GRIA1: variants seen among roughly 807,000 people sequenced by gnomAD.
The protein encoded by GRIA1 is glutamate receptor 1.
In GRIA1, 31 loss-of-function variants were observed where a neutral mutation model predicts 99.2. The ratio of observed to expected loss-of-function variants is 0.31; its 90% CI spans 0.23 to 0.42. GRIA1 has a LOEUF of 0.42. Ranked by LOEUF, GRIA1 falls within the 10% of genes least tolerant of loss-of-function variation. The pLI is 1.00. For synonymous variants in GRIA1, 438 were observed against 432.4 expected (o/e 1.01, Z -0.16); for missense variants, 782 against 1,157.5 (o/e 0.68, Z 4.71).
At chr5:153,525,849 A>G (rs1283377471) in intron 2 of GRIA1, among the ~76,000 whole-genome samples, 1 of 152,020 alleles carries the variant, frequency 6.6e-6, no homozygotes, top group African/African-American at 2.4e-5. Context: ...AACACACTCC[A>G]CTCAGTAAGT....
intron 3 of GRIA1, among the ~76,000 whole-genome samples, chr5:153,648,745 G>T (rs531321703): frequency 6.6e-6 from 1 of 152,130 alleles, no homozygotes; most frequent in Admixed American, 6.5e-5. Flanking sequence ...TGTGGAAGAG[G>T]TTAACTGTGT....
chr5:153,732,344 A>G (rs898000813), intron 11 of GRIA1, among the ~76,000 whole-genome samples: 6 of 152,106 alleles, frequency 3.9e-5, no homozygotes, highest in Admixed American at 3.9e-4. Context: ...TCACACCAAC[A>G]ATATATAAAA....
chr5:153,579,407 A>G (rs1372516214), intron 2 of GRIA1, among the ~76,000 whole-genome samples: 1 of 152,210 alleles, frequency 6.6e-6, no homozygotes, highest in East Asian at 1.9e-4. Flanking sequence ...AAAAATATCC[A>G]GAGATAATAT....
intron 1 of GRIA1, chr5:153,491,294 T>A (rs1366393135): frequency 1.6e-6 from 2 of 1,259,410 alleles, no homozygotes; most frequent in African/African-American, 3.0e-5. Flanking sequence ...AGGAGTTAAC[T>A]CTATTGCTTG....
chr5:153,753,240 C>G (rs1456282356), intron 11 of GRIA1, among the ~76,000 whole-genome samples: 1 of 152,154 alleles, frequency 6.6e-6, no homozygotes, highest in Non-Finnish European at 1.5e-5. Context: ...GTGTTTGTGT[C>G]ATTGTGTTAT....
chr5:153,677,127 G>A lies in GRIA1; in HGVS notation c.995G>A (p.Gly332Asp), dbSNP rs142974388. 1 of 1,560,146 alleles carries A rather than the reference G, an allele frequency of 6.4e-7. No individual in the cohort carries two copies. The highest frequency in any genetic ancestry group is 1.2e-5 in the South Asian group (1 of 84,016). ...DCLANPAVPW[G>D]QGIDIQRALQ... is the part of the protein sequence containing the mutation. ...CTGGCTAACCCAGCTGTTCCCTGGG[G>A]CCAAGGGATCGACATCCAGAGAGCT... Residue 332 changes from glycine to aspartate, a missense_variant, in exon 7 of 16, where the codon GGC (glycine) becomes GAC (aspartate). By Grantham distance (94) the Gly-to-Asp change is moderately conservative. Coordinates refer to ENST00000285900, the MANE Select transcript of GRIA1 (RefSeq NM_000827.4).
At chr5:153,578,181 A>G (rs28607686) in intron 2 of GRIA1, among the ~76,000 whole-genome samples, 4 of 150,064 alleles carry the variant, frequency 2.7e-5, no homozygotes, top group African/African-American at 9.8e-5. Context: ...AAAGAAAGAA[A>G]GAAGAAAGAA....
At chr5:153,798,448 C>A (rs1240231845) in intron 14 of GRIA1, among the ~76,000 whole-genome samples, 1 of 152,140 alleles carries the variant, frequency 6.6e-6, no homozygotes, top group Non-Finnish European at 1.5e-5. Flanking sequence ...GTAGGCTTCC[C>A]CTAAAAATCC....
intron 2 of GRIA1, among the ~76,000 whole-genome samples, chr5:153,578,798 CT>C (rs1247967568): frequency 6.6e-6 from 1 of 152,090 alleles, no homozygotes; most frequent in African/African-American, 2.4e-5. Context: ...GTCCTAGCTA[CT>C]TGGGAGGCTG....
intron 11 of GRIA1, among the ~76,000 whole-genome samples, chr5:153,751,135 T>C (rs1250916612): frequency 6.6e-6 from 1 of 152,320 alleles, no homozygotes; most frequent in Non-Finnish European, 1.5e-5. Flanking sequence ...CAAAGAGATG[T>C]AGCGATTTGC....
chr5:153,685,779 C>T (rs954586598), intron 7 of GRIA1, among the ~76,000 whole-genome samples: 1 of 152,192 alleles, frequency 6.6e-6, no homozygotes, highest in African/African-American at 2.4e-5. Flanking sequence ...CTTAAGGCTT[C>T]ATTCATAAAG....
intron 2 of GRIA1, among the ~76,000 whole-genome samples, chr5:153,570,301 C>A (rs569132407): frequency 6.6e-6 from 1 of 152,290 alleles, no homozygotes; most frequent in African/African-American, 2.4e-5. Context: ...TATTTAGATG[C>A]TAATTGGCTT....
At chr5:153,723,116 G>T (rs72643422) in intron 11 of GRIA1, among the ~76,000 whole-genome samples, 12,715 of 152,220 alleles carry the variant, frequency 0.084, 1,096 homozygotes, top group East Asian at 0.51. Context: ...TTTCAAATGA[G>T]ATAGAAGGTA....
chr5:153,688,657 T>G (rs1172115752), intron 8 of GRIA1, among the ~76,000 whole-genome samples: 2 of 152,140 alleles, frequency 1.3e-5, no homozygotes, highest in East Asian at 1.9e-4. Flanking sequence ...CTGTTAAGAG[T>G]ACTGCCTCTG....
In GRIA1 at chr5:153,567,183, T is replaced by A. The variant is rs115319529; in HGVS notation, c.220+73118T>A. Among the ~76,000 whole-genome samples the A allele has an allele frequency of 7.7e-3, 1,171 of 152,320 alleles. 6 individuals are homozygous for A. The highest frequency in any genetic ancestry group is 0.011 in the Non-Finnish European group (765 of 68,024). ...CATTCATTTATGCCTTGAGTGTCCA[T>A]TATGTGTCAGGAACTTTTCTAGACA... On this transcript the variant is annotated intron_variant, in intron 2 of 15. Transcript: ENST00000285900.
intron 11 of GRIA1, among the ~76,000 whole-genome samples, chr5:153,727,530 C>G (rs1475978859): frequency 6.6e-6 from 1 of 152,206 alleles, no homozygotes; most frequent in Non-Finnish European, 1.5e-5. Context: ...TAAGCAACTT[C>G]AGCAAAGTCT....
chr5:153,551,152 T>A (rs6580021), intron 2 of GRIA1, among the ~76,000 whole-genome samples: 70,454 of 151,480 alleles, frequency 0.47, 18,043 homozygotes, highest in Non-Finnish European at 0.59. Context: ...CTACTCAGGA[T>A]ATGCACAAAT....
At chr5:153,641,996 T>G (rs1429206049) in intron 2 of GRIA1, among the ~76,000 whole-genome samples, 1 of 152,156 alleles carries the variant, frequency 6.6e-6, no homozygotes, top group Admixed American at 6.5e-5. Flanking sequence ...TGTCGAATGG[T>G]GGGTGGATGG....
In GRIA1 at chr5:153,811,252, A is replaced by G. The variant is rs1292000338; in HGVS notation, c.*27A>G. The G allele has an allele frequency of 2.5e-6, 4 of 1,584,938 alleles. No homozygotes were observed. In the African/African-American group the frequency reaches 4.0e-5, roughly 16 times the overall value. The stretch of plus-strand genomic sequence containing the variant: ...TGGAGCAGATGGAGACCCCTTGGGG[A>G]GCAGGCTCGGGCTCCCCAGCCCCAT... On this transcript the variant is annotated 3_prime_UTR_variant, in exon 16 of 16. Transcript: ENST00000285900.
Sources: allele counts gnomAD v4.1 joint callset (sites outside exome capture counted in the v4.1 genomes callset), GRCh38; gene constraint gnomAD v4.1.1; transcripts MANE v1.5; gene names NCBI Gene and HGNC (gene_info 2026-07-23, HGNC 2026-07-21).